The following FAT3 variants were observed in gnomAD, a reference collection of about 807,000 sequenced individuals.
The protein encoded by FAT3 is FAT atypical cadherin 3, also known as protocadherin Fat 3.
FAT3 carries 95 observed loss-of-function variants against 310.2 expected under a neutral mutation model. The ratio of observed to expected loss-of-function variants is 0.31; its 90% CI spans 0.26 to 0.36. The LOEUF (loss-of-function observed/expected upper bound fraction) is 0.36, where lower values mean the gene tolerates loss of function less well. Among genes scored for constraint, FAT3 ranks in the 10% least tolerant of loss-of-function variants. FAT3 has a pLI of 1.00. For synonymous variants in FAT3, 2,314 were observed against 2,192.9 expected (o/e 1.06, Z -1.54); for missense variants, 5,408 against 5,715.6 (o/e 0.95, Z 1.74).
intron 1 of FAT3, among the ~76,000 whole-genome samples, chr11:92,281,162 T>G (rs1446441678): frequency 1.3e-5 from 2 of 152,090 alleles, no homozygotes; most frequent in Non-Finnish European, 2.9e-5. Context: ...TAATATTAAA[T>G]GACAAGAGTA....
At chr11:92,431,794 AG>A (rs1377504408) in intron 2 of FAT3, among the ~76,000 whole-genome samples, 2 of 152,184 alleles carry the variant, frequency 1.3e-5, no homozygotes, top group Non-Finnish European at 2.9e-5. Context: ...GGTTTGTCAA[AG>A]ATCAGATGGT....
At chr11:92,691,260 T>C (rs1423966650) in intron 3 of FAT3, among the ~76,000 whole-genome samples, 1 of 152,188 alleles carries the variant, frequency 6.6e-6, no homozygotes, top group African/African-American at 2.4e-5. Context: ...TGACCAGTTA[T>C]TGACAGAGCC....
chr11:92,521,722 G>A (rs563457593), intron 2 of FAT3, among the ~76,000 whole-genome samples: 1 of 152,074 alleles, frequency 6.6e-6, no homozygotes, highest in African/African-American at 2.4e-5. Flanking sequence ...TGGAGCCTTG[G>A]GCAAGTTACC....
chr11:92,294,986 G>A (rs764403836), intron 1 of FAT3, among the ~76,000 whole-genome samples: 1 of 152,042 alleles, frequency 6.6e-6, no homozygotes, highest in Non-Finnish European at 1.5e-5. Flanking sequence ...CTGGCCATTG[G>A]AATGGTTTTT....
At chr11:92,297,273 T>C (rs1450221231) in intron 1 of FAT3, among the ~76,000 whole-genome samples, 1 of 152,132 alleles carries the variant, frequency 6.6e-6, no homozygotes, top group African/African-American at 2.4e-5. Flanking sequence ...GTGCCAATTT[T>C]TCTTTTATTA....
intron 2 of FAT3, among the ~76,000 whole-genome samples, chr11:92,470,378 T>G (rs1428711839): frequency 6.6e-6 from 1 of 152,250 alleles, no homozygotes; most frequent in East Asian, 1.9e-4. Context: ...CTTTTTATTT[T>G]GTAACTCTTA....
intron 3 of FAT3, among the ~76,000 whole-genome samples, chr11:92,598,215 CAT>C (rs148924628): frequency 5.5e-4 from 75 of 136,422 alleles, no homozygotes; most frequent in East Asian, 4.2e-3. Flanking sequence ...TATATGTATA[CAT>C]ATATATATAT....
intron 3 of FAT3, among the ~76,000 whole-genome samples, chr11:92,618,597 C>T (rs935006820): frequency 6.6e-6 from 1 of 152,180 alleles, no homozygotes; most frequent in Non-Finnish European, 1.5e-5. Context: ...TCCTATTCGG[C>T]CATCTTGGAA....
chr11:92,442,751 C>A (rs1951104914), intron 2 of FAT3, among the ~76,000 whole-genome samples: 1 of 152,042 alleles, frequency 6.6e-6, no homozygotes, highest in Non-Finnish European at 1.5e-5. Context: ...ATCATCACAA[C>A]CCCCAAACAG....
In FAT3 at chr11:92,352,649, G is replaced by C. The variant is rs750108442; in HGVS notation, c.537G>C (p.Gln179His). 3.1e-6 allele frequency: 5 copies of C among 1,613,792 alleles called. No homozygotes were observed. The South Asian group carries it at 5.5e-5, about 18-fold the overall frequency. Residue 179 changes from glutamine (Q) to histidine (H), a missense_variant, in exon 2 of 28, where the codon CAG becomes CAC. By Grantham distance (24) the Gln-to-His change is conservative. Transcript: ENST00000525166. The stretch of plus-strand genomic sequence containing the variant: ...CACCTCTAAGGACTAGTGTTGCCCA[G>C]GTGACTGCAACAGACGCAGATATTG... ...ESTPLRTSVA[Q>H]VTATDADIGS...
intron 7 of FAT3, among the ~76,000 whole-genome samples, chr11:92,782,518 G>A (rs1946780587): frequency 6.6e-6 from 1 of 152,024 alleles, no homozygotes; most frequent in Admixed American, 6.6e-5. Flanking sequence ...GCTGCAGTGA[G>A]CCATGATCAC....
In FAT3 at chr11:92,353,361, G is replaced by A; in HGVS notation, c.1249G>A (p.Ala417Thr). 1 of 1,613,464 alleles carries A rather than the reference G, an allele frequency of 6.2e-7. No individual in the cohort carries two copies. The highest frequency in any genetic ancestry group is 8.5e-7 in the Non-Finnish European group (1 of 1,179,750). ...VEYKLSPGED[A>T]VYFKINPRSG... is the part of the protein sequence containing the mutation. ...ATACAAATTATCTCCTGGTGAGGATGCAGTGTACTTTAAAATTAATCCTCG... is the reference window on the plus strand; with the variant it reads ...ATACAAATTATCTCCTGGTGAGGATACAGTGTACTTTAAAATTAATCCTCG... The change falls in exon 2 of 28, where the codon GCA becomes ACA. Residue 417 changes from alanine (A) to threonine (T), a missense_variant. Physicochemically the swap from Ala to Thr is moderately conservative, Grantham distance 58. Coordinates refer to ENST00000525166, the MANE Select transcript of FAT3 (RefSeq NM_001367949.2).
At chr11:92,694,778 A>G (rs942774125) in intron 3 of FAT3, among the ~76,000 whole-genome samples, 3 of 152,128 alleles carry the variant, frequency 2.0e-5, no homozygotes, top group Non-Finnish European at 4.4e-5. Context: ...TATAGCCTCA[A>G]TATAACAAGC....
intron 19 of FAT3, among the ~76,000 whole-genome samples, chr11:92,852,511 G>C (rs1948858006): frequency 6.6e-6 from 1 of 152,050 alleles, no homozygotes; most frequent in Non-Finnish European, 1.5e-5. Context: ...TCAGGGAGGA[G>C]TCCCCAGAGG....
At chr11:92,495,356 C>CA (rs1952722670) in intron 2 of FAT3, among the ~76,000 whole-genome samples, 1 of 152,040 alleles carries the variant, frequency 6.6e-6, no homozygotes, top group African/African-American at 2.4e-5. Flanking sequence ...GCGCATCTCC[C>CA]AAATGCCTAG....
chr11:92,467,968 A>G lies in FAT3; in HGVS notation c.3293-56666A>G, dbSNP rs1481565484. On this transcript the variant is annotated intron_variant, in intron 2 of 27. Transcript: ENST00000525166. ...AGGCAATTGGGAGTGAGCATATGACATAGGAGAAGTCACATATATAACATA... is the reference window on the plus strand; with the variant it reads ...AGGCAATTGGGAGTGAGCATATGACGTAGGAGAAGTCACATATATAACATA... Among the ~76,000 whole-genome samples, 32 of 152,224 alleles carry G rather than the reference A, an allele frequency of 2.1e-4. 1 individual carries two copies. Among genetic ancestry groups the G allele is most frequent in the Admixed American group, 2.1e-3 (32 of 15,272 alleles).
intron 3 of FAT3, among the ~76,000 whole-genome samples, chr11:92,526,084 A>G (rs895582393): frequency 1.3e-5 from 2 of 152,172 alleles, no homozygotes; most frequent in African/African-American, 4.8e-5. Context: ...AGAGAGTAGT[A>G]ATTATCAGTA....
chr11:92,418,779 C>G (rs2134967606), intron 2 of FAT3, among the ~76,000 whole-genome samples: 1 of 152,238 alleles, frequency 6.6e-6, no homozygotes, highest in Non-Finnish European at 1.5e-5. Context: ...TGAATCAAAG[C>G]TGTTTCCAAA....
At chr11:92,332,746 C>T (rs1426921347) in intron 1 of FAT3, among the ~76,000 whole-genome samples, 1 of 152,166 alleles carries the variant, frequency 6.6e-6, no homozygotes. Context: ...CATACATGAT[C>T]ACAATATCTG....
Sources: allele counts gnomAD v4.1 joint callset (sites outside exome capture counted in the v4.1 genomes callset), GRCh38; gene constraint gnomAD v4.1.1; transcripts MANE v1.5; gene names NCBI Gene and HGNC (gene_info 2026-07-23, HGNC 2026-07-21).